The following PLCB1 variants were observed in gnomAD, a reference collection of about 807,000 sequenced individuals.
The protein encoded by PLCB1 is phospholipase C beta 1.
In PLCB1, 46 loss-of-function variants were observed where a neutral mutation model predicts 161.8. That is an observed-to-expected ratio of 0.28 (90% CI 0.22 to 0.36). PLCB1 has a LOEUF of 0.36. Ranked by LOEUF, PLCB1 falls within the 10% of genes least tolerant of loss-of-function variation. The pLI, the probability that PLCB1 is intolerant of heterozygous loss-of-function variation, is 1.00. For synonymous variants in PLCB1, 517 were observed against 503.7 expected (o/e 1.03, Z -0.35); for missense variants, 1,016 against 1,472.5 (o/e 0.69, Z 5.07).
chr20:8,306,751 A>G (rs1984153244), intron 2 of PLCB1, among the ~76,000 whole-genome samples: 1 of 152,192 alleles, frequency 6.6e-6, no homozygotes, highest in Non-Finnish European at 1.5e-5. Flanking sequence ...TCAATTTTGT[A>G]CGTGAACAGT....
intron 2 of PLCB1, among the ~76,000 whole-genome samples, chr20:8,264,358 G>A (rs1981847619): frequency 6.6e-6 from 1 of 152,084 alleles, no homozygotes; most frequent in South Asian, 2.1e-4. Context: ...ACCCACCTGA[G>A]ACTGTTTTAC....
intron 14 of PLCB1, among the ~76,000 whole-genome samples, chr20:8,718,415 C>T (rs73895115): frequency 0.04 from 6,047 of 152,202 alleles, 404 homozygotes; most frequent in African/African-American, 0.14. Flanking sequence ...AGGTGTCAGC[C>T]GGGCTGTGTT....
intron 2 of PLCB1, among the ~76,000 whole-genome samples, chr20:8,181,031 A>G (rs985190555): frequency 6.6e-6 from 1 of 151,776 alleles, no homozygotes; most frequent in Non-Finnish European, 1.5e-5. Flanking sequence ...GAGGCGGATT[A>G]CCTGAGGTCA....
chr20:8,774,744 G>T, intron 27 of PLCB1, 25 bp downstream of exon 27: 1 of 1,564,714 alleles, frequency 6.4e-7, no homozygotes, highest in Non-Finnish European at 8.7e-7. Flanking sequence ...CATGATTTAT[G>T]TTTGTGCAAC....
At chr20:8,208,633 A>G (rs900376363) in intron 2 of PLCB1, among the ~76,000 whole-genome samples, 1 of 151,954 alleles carries the variant, frequency 6.6e-6, no homozygotes, top group African/African-American at 2.4e-5. Context: ...CCTAGATGTC[A>G]TGTGGAGTGC....
chr20:8,645,699 A>T (rs1443992942), intron 4 of PLCB1, among the ~76,000 whole-genome samples: 1 of 152,214 alleles, frequency 6.6e-6, no homozygotes, highest in African/African-American at 2.4e-5. Context: ...CTGCTTTGGC[A>T]TGAGTAGTAG....
intron 3 of PLCB1, among the ~76,000 whole-genome samples, chr20:8,617,474 A>G (rs116317675): frequency 0.038 from 5,799 of 152,210 alleles, 362 homozygotes; most frequent in African/African-American, 0.13. Flanking sequence ...CAGTGAGATC[A>G]TCAGGGTGGC....
chr20:8,408,618 T>C (rs1978893393), intron 3 of PLCB1, among the ~76,000 whole-genome samples: 1 of 152,184 alleles, frequency 6.6e-6, no homozygotes, highest in Non-Finnish European at 1.5e-5. Context: ...AATTTGTAGA[T>C]AGCTGAATGC....
At chr20:8,724,019 A>T (rs1350071829) in intron 15 of PLCB1, among the ~76,000 whole-genome samples, 3 of 151,792 alleles carry the variant, frequency 2.0e-5, no homozygotes, top group Non-Finnish European at 4.4e-5. Context: ...TACGAATCCG[A>T]TGAGAACACA....
chr20:8,531,578 G>C (rs1984818437), intron 3 of PLCB1, among the ~76,000 whole-genome samples: 2 of 151,992 alleles, frequency 1.3e-5, no homozygotes, highest in African/African-American at 4.8e-5. Context: ...TATCCTCCAA[G>C]ATATGTAGAG....
intron 2 of PLCB1, among the ~76,000 whole-genome samples, chr20:8,152,725 T>C (rs2051521837): frequency 6.6e-6 from 1 of 152,154 alleles, no homozygotes; most frequent in South Asian, 2.1e-4. Context: ...TGGTATTTAT[T>C]GTAATATGCC....
intron 1 of PLCB1, among the ~76,000 whole-genome samples, chr20:8,140,226 C>A (rs1476755959): frequency 1.3e-5 from 2 of 152,176 alleles, no homozygotes; most frequent in Admixed American, 6.5e-5. Context: ...TGAGATCATT[C>A]ATGGAGAGCC....
At chr20:8,809,369 C>T (rs1372127894) in intron 31 of PLCB1, among the ~76,000 whole-genome samples, 1 of 152,136 alleles carries the variant, frequency 6.6e-6, no homozygotes, top group Non-Finnish European at 1.5e-5. Context: ...CTGGTGCTCT[C>T]TAGGTACTTT....
At position 8,883,036 on chromosome 20, in the gene PLCB1, A is replaced by G. The variant is rs1368400076; in HGVS notation, c.*1187A>G. 1 of 152,626 alleles carries G rather than the reference A, an allele frequency of 6.6e-6. No homozygotes were observed. The highest frequency in any genetic ancestry group is 1.5e-5 in the Non-Finnish European group (1 of 68,012). 9.5% of individuals were successfully genotyped at this position (152,626 alleles called of 1,614,324 possible). On this transcript the variant is annotated 3_prime_UTR_variant, in exon 32 of 32. Coordinates refer to ENST00000338037, the MANE Select transcript of PLCB1 (RefSeq NM_015192.4). ...CGAGATTACATGGATGTTAAATTAT[A>G]TGGAGACGCTAAGAAATAATTGATG...
In PLCB1 at chr20:8,431,819, T is replaced by C. The variant is rs79701731; in HGVS notation, c.246+60369T>C. Reference sequence around the variant, plus strand: ...TATTAGCTAAAATTTAAAATTTGAGTTGAAAGGGCTTGAATGCTGTATTAG... The same window carrying C: ...TATTAGCTAAAATTTAAAATTTGAGCTGAAAGGGCTTGAATGCTGTATTAG... On this transcript the variant is annotated intron_variant, in intron 3 of 31. Transcript: ENST00000338037. 4.5e-3 allele frequency among the ~76,000 whole-genome samples: 687 copies of C among 152,216 alleles called. 8 individuals carry two copies. Among genetic ancestry groups the C allele is most frequent in the African/African-American group, 0.015 (628 of 41,514 alleles).
At chr20:8,509,863 T>C (rs1568705562) in intron 3 of PLCB1, among the ~76,000 whole-genome samples, 1 of 152,216 alleles carries the variant, frequency 6.6e-6, no homozygotes, top group East Asian at 1.9e-4. Context: ...TCCAAGTGAC[T>C]GCTCAATACA....
At chr20:8,163,063 A>G (rs1479512368) in intron 2 of PLCB1, among the ~76,000 whole-genome samples, 1 of 152,220 alleles carries the variant, frequency 6.6e-6, no homozygotes, top group Non-Finnish European at 1.5e-5. Flanking sequence ...GAGTTTTTCC[A>G]ACAGTTGACT....
At chr20:8,256,166 T>G (rs891224420) in intron 2 of PLCB1, among the ~76,000 whole-genome samples, 1 of 152,142 alleles carries the variant, frequency 6.6e-6, no homozygotes, top group African/African-American at 2.4e-5. Flanking sequence ...CATGACTGTA[T>G]TTCCTGTAAT....
intron 27 of PLCB1, among the ~76,000 whole-genome samples, chr20:8,780,535 T>TGA (rs1390768746): frequency 3.9e-5 from 6 of 152,188 alleles, no homozygotes; most frequent in Non-Finnish European, 8.8e-5. Flanking sequence ...ACCTCTTTCT[T>TGA]TACATCAAAC....
Sources: gnomAD v4.1 joint callset for allele counts (sites outside exome capture counted in the v4.1 genomes callset) on GRCh38, gnomAD v4.1.1 for gene constraint, MANE v1.5 for transcripts, NCBI Gene and HGNC (gene_info 2026-07-23, HGNC 2026-07-21) for gene names.